Variants in ZSWIM5 observed in about 807,000 individuals in gnomAD.
ZSWIM5 encodes zinc finger SWIM-type containing 5.
ZSWIM5 carries 55 observed loss-of-function variants against 119.6 expected under a neutral mutation model. The ratio of observed to expected loss-of-function variants is 0.46; its 90% CI spans 0.37 to 0.58. The LOEUF (loss-of-function observed/expected upper bound fraction) is 0.58. Among genes scored for constraint, ZSWIM5 ranks in the 20% least tolerant of loss-of-function variants. The pLI is 0.00. For missense variants in ZSWIM5, 1,193 were observed against 1,512.8 expected, an observed-to-expected ratio of 0.79 and a Z score of 3.51; for synonymous variants, 537 against 606.9, an observed-to-expected ratio of 0.88 and a Z score of 1.69.
chr1:45,045,678 T>C (rs6693885), intron 5 of ZSWIM5, among the ~76,000 whole-genome samples: 141,953 of 152,242 alleles, frequency 0.93, 66,209 homozygotes, highest in Middle Eastern at 0.98. Context: ...CCACAGTGGG[T>C]ACTGGGCTCC....
chr1:45,197,890 A>C (rs1646135411), intron 1 of ZSWIM5, among the ~76,000 whole-genome samples: 1 of 152,260 alleles, frequency 6.6e-6, no homozygotes, highest in Non-Finnish European at 1.5e-5. Flanking sequence ...TGGGAGAAAG[A>C]ATGGTGAAAC....
In ZSWIM5 at chr1:45,019,963, G is replaced by C; in HGVS notation, c.2695+103C>G. 1 of 1,011,194 alleles carries C rather than the reference G, an allele frequency of 9.9e-7. No homozygotes were observed. The highest frequency in any genetic ancestry group is 1.5e-6 in the Non-Finnish European group (1 of 665,910). The allele number at this position is 1,011,194 out of a possible 1,614,324, so 62.6% of individuals were successfully genotyped here. On this transcript the variant is annotated intron_variant, in intron 13 of 13. Transcript: ENST00000359600. The surrounding 1 kb of genome is among the most constrained non-coding windows in gnomAD (Gnocchi z 5.0). ...TTAGGCCATCTCCTGATGGACCTAA[G>C]ATCTCATAGGAATATGAGAGCTCTA...
intron 1 of ZSWIM5, among the ~76,000 whole-genome samples, chr1:45,120,736 A>G (rs139141489): frequency 1.3e-5 from 2 of 151,132 alleles, no homozygotes; most frequent in East Asian, 2.0e-4. Flanking sequence ...TTGGCCTCTC[A>G]AAGTGCTGGG....
At position 45,184,747 on chromosome 1, in the gene ZSWIM5, A is replaced by C. The variant is rs182232873; in HGVS notation, c.595+21009T>G. Among the ~76,000 whole-genome samples the C allele has an allele frequency of 5.7e-3, 872 of 152,212 alleles. 9 individuals are homozygous for C. The highest frequency in any genetic ancestry group is 0.02 in the African/African-American group (830 of 41,488). On this transcript the variant is annotated intron_variant, in intron 1 of 13. Coordinates refer to ENST00000359600, the MANE Select transcript of ZSWIM5 (RefSeq NM_020883.2). ...ACCAACCACTGCTCAATGAAATAAAAGAGGATACAAACAAATGGAAGAACA... is the reference window on the plus strand; with the variant it reads ...ACCAACCACTGCTCAATGAAATAAACGAGGATACAAACAAATGGAAGAACA...
At position 45,054,867 on chromosome 1, in the gene ZSWIM5, C is replaced by T. The variant is rs544300250; in HGVS notation, c.1253-3614G>A. Among the ~76,000 whole-genome samples, 169 of 152,178 alleles carry T rather than the reference C, an allele frequency of 1.1e-3. 1 individual carries two copies. The highest frequency in any genetic ancestry group is 3.7e-3 in the African/African-American group (152 of 41,524). On this transcript the variant is annotated intron_variant, in intron 4 of 13. Transcript: ENST00000359600. Reference sequence around the variant, plus strand: ...CAATGATGGAGTCTCGCTCTGTCACCGAGGCTGGAGTGCAGTGGCATGATC... The same window carrying T: ...CAATGATGGAGTCTCGCTCTGTCACTGAGGCTGGAGTGCAGTGGCATGATC...
intron 11 of ZSWIM5, among the ~76,000 whole-genome samples, chr1:45,023,941 T>G (rs1644903729): frequency 6.6e-6 from 1 of 152,222 alleles, no homozygotes; most frequent in African/African-American, 2.4e-5. Context: ...TAGTTTTAAT[T>G]TGTAATTCCC....
chr1:45,205,974 G>C lies in ZSWIM5; in HGVS notation c.377C>G (p.Ala126Gly). ...CGGCGAAGCCCCCGCGGCGCCGCCA[G>C]CAGCGCCGGCGCCGGGGCCGCCCCG... ...QYRGGPGAGA[A>G]GGAAGASPAE... The change falls in exon 1 of 14, where the codon GCT becomes GGT. Residue 126 changes from alanine (A) to glycine (G), a missense_variant. Coordinates refer to ENST00000359600, the MANE Select transcript of ZSWIM5 (RefSeq NM_020883.2). The C allele has an allele frequency of 7.1e-7, 1 of 1,400,428 alleles. No individual in the cohort carries two copies. Among genetic ancestry groups the C allele is most frequent in the Non-Finnish European group, 9.3e-7 (1 of 1,075,080 alleles). 86.8% of individuals were successfully genotyped at this position (1,400,428 alleles called of 1,614,324 possible). A position where few individuals can be genotyped will look rare whatever the true frequency, so the allele number is the denominator to read the frequency against.
chr1:45,200,985 A>G (rs1186214418), intron 1 of ZSWIM5, among the ~76,000 whole-genome samples: 1 of 152,146 alleles, frequency 6.6e-6, no homozygotes, highest in Non-Finnish European at 1.5e-5. Flanking sequence ...GTTGTTGTGT[A>G]TGTGATTGAG....
At chr1:45,068,805 T>C (rs1645201761) in intron 2 of ZSWIM5, among the ~76,000 whole-genome samples, 1 of 134,724 alleles carries the variant, frequency 7.4e-6, no homozygotes, top group African/African-American at 2.9e-5. Context: ...TTTTTTTTTT[T>C]TTTTTTTTTT....
intron 1 of ZSWIM5, among the ~76,000 whole-genome samples, chr1:45,197,025 T>C (rs1646129634): frequency 6.6e-6 from 1 of 152,214 alleles, no homozygotes; most frequent in Non-Finnish European, 1.5e-5. Context: ...CTATTCCTAT[T>C]CACATTGCCC....
intron 1 of ZSWIM5, among the ~76,000 whole-genome samples, chr1:45,114,075 G>T (rs1270592715): frequency 6.6e-6 from 1 of 152,196 alleles, no homozygotes; most frequent in Non-Finnish European, 1.5e-5. Context: ...AATTTGAGCA[G>T]TGACAATACA....
At chr1:45,073,774 A>C (rs936842417) in intron 2 of ZSWIM5, among the ~76,000 whole-genome samples, 1 of 152,002 alleles carries the variant, frequency 6.6e-6, no homozygotes, top group South Asian at 2.1e-4. Flanking sequence ...ATTATGTTGA[A>C]TAACAGTGGT....
chr1:45,067,233 T>A (rs950424331), intron 2 of ZSWIM5, among the ~76,000 whole-genome samples: 2 of 150,426 alleles, frequency 1.3e-5, no homozygotes, highest in Non-Finnish European at 3.0e-5. Context: ...AGACCAAGAG[T>A]TCAAGACCAG....
intron 1 of ZSWIM5, among the ~76,000 whole-genome samples, chr1:45,133,725 A>G (rs950744240): frequency 4.6e-4 from 70 of 152,206 alleles, no homozygotes; most frequent in African/African-American, 1.7e-3. Flanking sequence ...GTTTTCTTCT[A>G]GGGTTTTTAT....
chr1:45,123,322 TA>T (rs1188911452), intron 1 of ZSWIM5, among the ~76,000 whole-genome samples: 2 of 143,558 alleles, frequency 1.4e-5, no homozygotes, highest in African/African-American at 5.6e-5. Context: ...ACAAAGATTT[TA>T]AAGTATCCAT....
chr1:45,031,859 A>G (rs1222969643), intron 11 of ZSWIM5, among the ~76,000 whole-genome samples: 1 of 148,282 alleles, frequency 6.7e-6, no homozygotes, highest in Admixed American at 6.8e-5. Context: ...AAAAAAAAAA[A>G]GTGAAATCTG....
chr1:45,061,012 T>C (rs1035142284), intron 2 of ZSWIM5, among the ~76,000 whole-genome samples: 6 of 152,180 alleles, frequency 3.9e-5, no homozygotes, highest in South Asian at 2.1e-4. Context: ...AAAGCATAAG[T>C]AGAGTTTCAT....
chr1:45,101,198 G>GA (rs1490988121), intron 1 of ZSWIM5, among the ~76,000 whole-genome samples: 14 of 144,852 alleles, frequency 9.7e-5, no homozygotes, highest in African/African-American at 2.5e-4. Flanking sequence ...AAATTTACAA[G>GA]AAAAAAAACG....
intron 1 of ZSWIM5, among the ~76,000 whole-genome samples, chr1:45,162,372 T>C (rs567869423): frequency 2.8e-4 from 43 of 152,246 alleles, no homozygotes; most frequent in African/African-American, 7.9e-4. Context: ...GATGGCCGAA[T>C]AGGAACAGCT....
Sources: allele counts gnomAD v4.1 joint callset (sites outside exome capture counted in the v4.1 genomes callset), GRCh38; gene constraint gnomAD v4.1.1; non-coding constraint Gnocchi (gnomAD v3.1); transcripts MANE v1.5; gene names NCBI Gene and HGNC (gene_info 2026-07-23, HGNC 2026-07-21).